Variants in ARRB1 observed in about 807,000 individuals in gnomAD.
The protein encoded by ARRB1 is beta-arrestin-1.
Under a neutral mutation model 56.8 loss-of-function variants are expected in ARRB1, and 21 were observed. That is an observed-to-expected ratio of 0.37 (90% CI 0.26 to 0.53). The LOEUF (loss-of-function observed/expected upper bound fraction) is 0.53, where lower values mean the gene tolerates loss of function less well. Ranked by LOEUF, ARRB1 falls within the 20% of genes least tolerant of loss-of-function variation. The pLI, the probability that ARRB1 is intolerant of heterozygous loss-of-function variation, is 0.88. For synonymous variants in ARRB1, 210 were observed against 218.6 expected (o/e 0.96, Z 0.35); for missense variants, 424 against 553.7 (o/e 0.77, Z 2.35).
intron 1 of ARRB1, among the ~76,000 whole-genome samples, chr11:75,329,847 AC>A (rs911780148): frequency 6.6e-6 from 1 of 152,018 alleles, no homozygotes. Context: ...TTTAAAATCT[AC>A]CCAGGCATGG....
intron 12 of ARRB1, among the ~76,000 whole-genome samples, chr11:75,272,150 G>C (rs1275350785): frequency 6.6e-6 from 1 of 152,204 alleles, no homozygotes; most frequent in African/African-American, 2.4e-5. Flanking sequence ...TATTATATAA[G>C]GTCAGGATTA....
At chr11:75,309,535 C>A (rs1240439306) in intron 1 of ARRB1, among the ~76,000 whole-genome samples, 1 of 152,202 alleles carries the variant, frequency 6.6e-6, no homozygotes, top group Non-Finnish European at 1.5e-5. Flanking sequence ...AGAATACTAA[C>A]CCCTACCACA....
At chr11:75,342,347 C>T (rs922389536) in intron 1 of ARRB1, among the ~76,000 whole-genome samples, 1 of 152,146 alleles carries the variant, frequency 6.6e-6, no homozygotes, top group Admixed American at 6.5e-5. Flanking sequence ...CTGCTCTGGG[C>T]CAAGGAGCAA....
At chr11:75,316,201 C>T (rs1485145217) in intron 1 of ARRB1, among the ~76,000 whole-genome samples, 1 of 152,038 alleles carries the variant, frequency 6.6e-6, no homozygotes, top group African/African-American at 2.4e-5. Flanking sequence ...ATGGCGGGTG[C>T]CTGTAATCCC....
In ARRB1 at chr11:75,269,298, A is replaced by AC. The variant is rs138730818; in HGVS notation, c.1023-340dup. On this transcript the variant is annotated intron_variant, in intron 13 of 15. Coordinates refer to ENST00000420843, the MANE Select transcript of ARRB1 (RefSeq NM_004041.5). ...TGCGGGGCTCCAGAGGTGCCCTGGGACCCCCCCCCACCTCAAATCGCCACA... is the reference window on the plus strand; with the variant it reads ...TGCGGGGCTCCAGAGGTGCCCTGGGACCCCCCCCCCACCTCAAATCGCCACA... The AC allele has an allele frequency of 5.4e-3, 2,212 of 409,906 alleles. 3 individuals are homozygous for AC. The highest frequency in any genetic ancestry group is 0.02 in the East Asian group (329 of 16,454). 25.4% of individuals were successfully genotyped at this position (409,906 alleles called of 1,614,324 possible).
In ARRB1 at chr11:75,332,708, A is replaced by T. The variant is rs34262050; in HGVS notation, c.20+18880T>A. On this transcript the variant is annotated intron_variant, in intron 1 of 15. Transcript: ENST00000420843. ...TCAGGAGTTCGAGACCAGCCTGGCC[A>T]ATATGGTGAAACCCCGTCTCAACTA... Among the ~76,000 whole-genome samples, 129 of 152,300 alleles carry T rather than the reference A, an allele frequency of 8.5e-4. 1 individual carries two copies. Among genetic ancestry groups the T allele is most frequent in the Non-Finnish European group, 1.5e-3 (99 of 68,022 alleles).
At chr11:75,282,169 GC>G (rs1488581079) in intron 5 of ARRB1, 148 bp from the exon 6 acceptor site, 8 of 723,316 alleles carry the variant, frequency 1.1e-5, no homozygotes, top group Non-Finnish European at 1.8e-5. Context: ...GCCAAGCCAT[GC>G]CCCATCTAAA....
chr11:75,287,188 C>G, intron 3 of ARRB1, 127 bp downstream of exon 3: 1 of 934,546 alleles, frequency 1.1e-6, no homozygotes. Flanking sequence ...ATGCTTGCTG[C>G]CTGAAGCAGG....
chr11:75,288,922 C>T (rs979130164), intron 2 of ARRB1, among the ~76,000 whole-genome samples: 5 of 152,190 alleles, frequency 3.3e-5, no homozygotes, highest in South Asian at 2.1e-4. Flanking sequence ...ATGCTACTGC[C>T]GCCTGAAACC....
chr11:75,332,931 C>T (rs114759537), intron 1 of ARRB1, among the ~76,000 whole-genome samples: 4 of 151,998 alleles, frequency 2.6e-5, no homozygotes, highest in Non-Finnish European at 5.9e-5. Context: ...GAAGCTCCCC[C>T]CAACCCCTGC....
intron 7 of ARRB1, among the ~76,000 whole-genome samples, chr11:75,280,244 G>A (rs536663918): frequency 7.2e-5 from 11 of 152,240 alleles, no homozygotes; most frequent in African/African-American, 2.6e-4. Context: ...GAGGAAAAGG[G>A]AGACAGAGAA....
chr11:75,313,735 A>C (rs1947211990), intron 1 of ARRB1, among the ~76,000 whole-genome samples: 1 of 152,170 alleles, frequency 6.6e-6, no homozygotes, highest in African/African-American at 2.4e-5. Flanking sequence ...CCCTGTGAGG[A>C]AATTCCTTAT....
At chr11:75,288,420 G>A (rs992274495) in intron 2 of ARRB1, among the ~76,000 whole-genome samples, 6 of 151,858 alleles carry the variant, frequency 4.0e-5, no homozygotes, top group Admixed American at 1.3e-4. Context: ...GATCCAGAGC[G>A]TCATCCTGAT....
intron 1 of ARRB1, among the ~76,000 whole-genome samples, chr11:75,324,785 G>A: frequency 1.3e-5 from 2 of 152,292 alleles, no homozygotes; most frequent in Admixed American, 1.3e-4. Context: ...GTTCTGGAAG[G>A]TTCTAACTGC....
intron 1 of ARRB1, among the ~76,000 whole-genome samples, chr11:75,321,925 T>G (rs377757326): frequency 8.5e-5 from 13 of 152,350 alleles, no homozygotes; most frequent in South Asian, 6.2e-4. Flanking sequence ...GGCTCTGCAC[T>G]ACACAACTCC....
chr11:75,297,861 T>G, intron 1 of ARRB1, among the ~76,000 whole-genome samples: 1 of 7,262 alleles, frequency 1.4e-4, no homozygotes, highest in Non-Finnish European at 2.5e-4. Context: ...CAAGACTTTG[T>G]CTCAAAAAAA....
At position 75,265,971 on chromosome 11, in the gene ARRB1, G is replaced by T; in HGVS notation, c.*192C>A. ...GATGGGGTGGAGCCAGTGCGCTGTGGTCCTGTTGGCGTGGTGATGTGGGGC... is the reference window on the plus strand; with the variant it reads ...GATGGGGTGGAGCCAGTGCGCTGTGTTCCTGTTGGCGTGGTGATGTGGGGC... On this transcript the variant is annotated 3_prime_UTR_variant, in exon 16 of 16. Transcript: ENST00000420843. 1.7e-6 allele frequency: 1 copy of T among 597,210 alleles called. No individual in the cohort carries two copies. Among genetic ancestry groups the T allele is most frequent in the African/African-American group, 1.9e-5 (1 of 53,968 alleles). The allele number at this position is 597,210 out of a possible 1,614,324, so 37.0% of individuals were successfully genotyped here. A position where few individuals can be genotyped will look rare whatever the true frequency, so the allele number is the denominator to read the frequency against.
At chr11:75,329,980 A>T (rs896810931) in intron 1 of ARRB1, among the ~76,000 whole-genome samples, 13 of 151,976 alleles carry the variant, frequency 8.6e-5, no homozygotes, top group African/African-American at 3.1e-4. Context: ...AGCCTGAATG[A>T]CAAGACTGAG....
chr11:75,302,763 A>G (rs1234734679), intron 1 of ARRB1, among the ~76,000 whole-genome samples: 1 of 152,160 alleles, frequency 6.6e-6, no homozygotes, highest in Non-Finnish European at 1.5e-5. Flanking sequence ...GGAAGCTGAC[A>G]TTGTGCTATG....
Sources: allele counts gnomAD v4.1 joint callset (sites outside exome capture counted in the v4.1 genomes callset), GRCh38; gene constraint gnomAD v4.1.1; transcripts MANE v1.5; gene names NCBI Gene and HGNC (gene_info 2026-07-23, HGNC 2026-07-21).